The following REV3L variants were observed in gnomAD, a reference collection of about 807,000 sequenced individuals.
The protein encoded by REV3L is REV3 like, DNA directed polymerase zeta catalytic subunit, also known as DNA polymerase zeta catalytic subunit.
REV3L carries 69 observed loss-of-function variants against 299.4 expected under a neutral mutation model. The observed-to-expected ratio is 0.23, with a 90% confidence interval of 0.19 to 0.28. REV3L has a LOEUF of 0.28. Among genes scored for constraint, REV3L ranks in the 10% least tolerant of loss-of-function variants. The pLI, the probability that REV3L is intolerant of heterozygous loss-of-function variation, is 1.00. For synonymous variants in REV3L, 1,238 were observed against 1,271.4 expected (o/e 0.97, Z 0.56); for missense variants, 3,128 against 3,693.8 (o/e 0.85, Z 3.97).
chr6:111,344,743 G>A (rs779045544), intron 20 of REV3L, among the ~76,000 whole-genome samples: 2 of 152,148 alleles, frequency 1.3e-5, no homozygotes, highest in Admixed American at 6.5e-5. Context: ...ATGCAAAATG[G>A]AAATTAAGGA....
intron 1 of REV3L, among the ~76,000 whole-genome samples, chr6:111,455,107 T>C (rs1352514888): frequency 2.0e-5 from 3 of 152,184 alleles, no homozygotes; most frequent in Non-Finnish European, 4.4e-5. Context: ...TGCAAGTTAA[T>C]GTGATAACTG....
chr6:111,316,658 T>TC (rs1773558382), intron 26 of REV3L, among the ~76,000 whole-genome samples: 1 of 144,008 alleles, frequency 6.9e-6, no homozygotes, highest in Admixed American at 7.1e-5. Context: ...AGAGCAAGAC[T>TC]CCGTCTCAAA....
chr6:111,401,020 A>C (rs531776345), intron 4 of REV3L, among the ~76,000 whole-genome samples: 1 of 152,206 alleles, frequency 6.6e-6, no homozygotes, highest in Admixed American at 6.5e-5. Flanking sequence ...AATTACCATT[A>C]TATCTTTGTC....
intron 1 of REV3L, among the ~76,000 whole-genome samples, chr6:111,424,089 A>G (rs938081539): frequency 9.9e-5 from 15 of 152,214 alleles, no homozygotes; most frequent in African/African-American, 3.6e-4. Flanking sequence ...GAAGGGACCT[A>G]GGCAAGAATC....
intron 20 of REV3L, 140 bp from the exon 21 acceptor site, chr6:111,344,183 A>G (rs935983714): frequency 1.5e-5 from 9 of 593,540 alleles, no homozygotes; most frequent in Admixed American, 3.2e-5. Flanking sequence ...AGTACAACTG[A>G]ATCATAATTC....
rs766815126 is a variant in REV3L at position 111,329,632 on chromosome 6, G to A, written c.8141C>T (p.Ser2714Leu). 1.2e-6 allele frequency: 2 copies of A among 1,614,078 alleles called. No individual in the cohort carries two copies. The highest frequency in any genetic ancestry group is 8.5e-7 in the Non-Finnish European group (1 of 1,180,022). The change falls in exon 25 of 32, where the codon TCA becomes TTA. Residue 2714 changes from serine (S) to leucine (L), a missense_variant. Ser to Leu is a moderately radical substitution (Grantham distance 145). This residue lies in a region of REV3L where 53 missense variants were observed against 57.4 expected (regional missense o/e 0.92). Coordinates refer to ENST00000368802, the MANE Select transcript of REV3L (RefSeq NM_001372078.1). ...CAACTGACGCGCATCAAGCATTCGT[G>A]ACAGGGCTCTGTCTTGCTTGTAAGC... ...MKAYKQDRALSRMLDARQLGL... is the reference protein window; with the variant it reads ...MKAYKQDRALLRMLDARQLGL...
At chr6:111,304,378 T>G (rs1465246168) in intron 31 of REV3L, among the ~76,000 whole-genome samples, 1 of 148,200 alleles carries the variant, frequency 6.7e-6, no homozygotes, top group East Asian at 2.0e-4. Flanking sequence ...ACAATTTCCA[T>G]AATTTCACTT....
chr6:111,402,945 C>T (rs1254187151), intron 4 of REV3L, among the ~76,000 whole-genome samples: 1 of 152,090 alleles, frequency 6.6e-6, no homozygotes, highest in Admixed American at 6.6e-5. Flanking sequence ...TATAGCTACA[C>T]AAAAATTCAT....
intron 1 of REV3L, among the ~76,000 whole-genome samples, chr6:111,448,327 G>GTTTTCTTTTTTTTC (rs1400246608): frequency 2.0e-5 from 3 of 151,842 alleles, no homozygotes; most frequent in African/African-American, 7.3e-5. Context: ...TTTATTGGAG[G>GTTTTCTTTTTTTTC]TTTTCTTTTT....
chr6:111,412,854 T>C lies in REV3L; in HGVS notation c.330-1300A>G, dbSNP rs570799878. The stretch of plus-strand genomic sequence containing the variant: ...TCACTCCAATCTCAAGTCATACCAT[T>C]CTTCCTTCTCCTCCAACCACTCTAA... On this transcript the variant is annotated intron_variant, in intron 2 of 31. Coordinates refer to ENST00000368802, the MANE Select transcript of REV3L (RefSeq NM_001372078.1). Among the ~76,000 whole-genome samples, 4 of 152,100 alleles carry C rather than the reference T, an allele frequency of 2.6e-5. No individual in the cohort carries two copies. In the East Asian group the frequency reaches 5.8e-4, roughly 22 times the overall value.
intron 18 of REV3L, among the ~76,000 whole-genome samples, chr6:111,353,282 C>T (rs1777764566): frequency 6.6e-6 from 1 of 152,150 alleles, no homozygotes; most frequent in South Asian, 2.1e-4. Context: ...AATATTTTAT[C>T]ATAATTCCAT....
chr6:111,408,885 A>C (rs965445595), intron 3 of REV3L, among the ~76,000 whole-genome samples: 3 of 152,062 alleles, frequency 2.0e-5, no homozygotes, highest in Non-Finnish European at 4.4e-5. Flanking sequence ...GGGTTTCATC[A>C]TGCTGGCCAG....
Position 111,475,000 on chromosome 6 carries a change from C to T in REV3L, c.139+7750G>A, listed in dbSNP as rs1392237283. On this transcript the variant is annotated intron_variant, in intron 1 of 31. Coordinates refer to ENST00000368802, the MANE Select transcript of REV3L (RefSeq NM_001372078.1). The stretch of plus-strand genomic sequence containing the variant: ...AGCTGCCTATATATACACACACACA[C>T]ACACACACACACACACACACACATA... Among the ~76,000 whole-genome samples the T allele has an allele frequency of 6.8e-3, 1,024 of 149,982 alleles. 5 individuals carry two copies. The highest frequency in any genetic ancestry group is 0.01 in the Non-Finnish European group (690 of 67,124).
chr6:111,373,048 GTCT>G lies in REV3L; in HGVS notation c.5304_5306del (p.Glu1768del). On this transcript the variant is annotated inframe_deletion, in exon 13 of 32. Coordinates refer to ENST00000368802, the MANE Select transcript of REV3L (RefSeq NM_001372078.1). ...TCAATCTAGATTTTTCACTTAGACAGTCTTCTGCCTGCTGAACACAGAAAGAAT... is the reference window on the plus strand; with the variant it reads ...TCAATCTAGATTTTTCACTTAGACAGTCTGCCTGCTGAACACAGAAAGAAT... 2 of 1,614,158 alleles carry G rather than the reference GTCT, an allele frequency of 1.2e-6. No individual in the cohort carries two copies. Among genetic ancestry groups the G allele is most frequent in the Non-Finnish European group, 1.7e-6 (2 of 1,180,018 alleles).
At chr6:111,451,200 A>G (rs1217605356) in intron 1 of REV3L, among the ~76,000 whole-genome samples, 1 of 152,214 alleles carries the variant, frequency 6.6e-6, no homozygotes, top group Non-Finnish European at 1.5e-5. Flanking sequence ...GCCAGAGCAG[A>G]GTTGAGTCTA....
intron 31 of REV3L, among the ~76,000 whole-genome samples, chr6:111,302,483 CTTACATT>C (rs1213260047): frequency 2.6e-5 from 4 of 152,222 alleles, no homozygotes; most frequent in Non-Finnish European, 2.9e-5. Context: ...TTGATTCAGG[CTTACATT>C]TAAAACTTTA....
At chr6:111,396,480 G>A (rs1179410012) in intron 4 of REV3L, among the ~76,000 whole-genome samples, 1 of 151,600 alleles carries the variant, frequency 6.6e-6, no homozygotes, top group Non-Finnish European at 1.5e-5. Flanking sequence ...GTCTGATTTT[G>A]GTATCAGGAT....
At chr6:111,362,948 C>A (rs969061442) in intron 16 of REV3L, among the ~76,000 whole-genome samples, 2 of 152,180 alleles carry the variant, frequency 1.3e-5, no homozygotes, top group East Asian at 1.9e-4. Flanking sequence ...CATACGACAG[C>A]ACAGGTGTAA....
At chr6:111,300,571 C>A (rs1488586188) in intron 31 of REV3L, among the ~76,000 whole-genome samples, 1 of 152,186 alleles carries the variant, frequency 6.6e-6, no homozygotes, top group Non-Finnish European at 1.5e-5. Context: ...GAAAAGCAAC[C>A]TGCTGAAGCC....
Sources: allele counts gnomAD v4.1 joint callset (sites outside exome capture counted in the v4.1 genomes callset), GRCh38; gene constraint gnomAD v4.1.1; regional missense constraint gnomAD v4.1.1; transcripts MANE v1.5; gene names NCBI Gene and HGNC (gene_info 2026-07-23, HGNC 2026-07-21).